TMEM33: variants seen among roughly 807,000 people sequenced by gnomAD.
TMEM33 encodes the protein transmembrane protein 33.
Under a neutral mutation model 29.7 loss-of-function variants are expected in TMEM33, and 16 were observed. The ratio of observed to expected loss-of-function variants is 0.54; its 90% confidence interval spans 0.36 to 0.82. TMEM33 has a LOEUF of 0.82. Ranked by LOEUF, TMEM33 falls within the 40% of genes least tolerant of loss-of-function variation. The pLI, the probability that TMEM33 is intolerant of heterozygous loss-of-function variation, is 0.00. For missense variants in TMEM33, 252 were observed against 295.3 expected (o/e 0.85, Z 1.08); for synonymous variants, 112 against 109.4 (o/e 1.02, Z -0.15).
At position 41,956,008 on chromosome 4, in the gene TMEM33, GTC is replaced by G. The variant is rs1238442578; in HGVS notation, c.*1813_*1814del. The G allele has an allele frequency of 1.3e-5, 2 of 152,102 alleles. No homozygotes were observed. The highest frequency in any genetic ancestry group is 2.9e-5 in the Non-Finnish European group (2 of 68,012). 9.4% of individuals were successfully genotyped at this position (152,102 alleles called of 1,614,324 possible). A position where few individuals can be genotyped will look rare whatever the true frequency, so the allele number is the denominator to read the frequency against. Reference sequence around the variant, plus strand: ...GTTTTTGTTTTTTGAGACAGAGTCTGTCTCTGTCGCCAAGGCTGGAGTGCAGT... The same window carrying G: ...GTTTTTGTTTTTTGAGACAGAGTCTGTCTGTCGCCAAGGCTGGAGTGCAGT... On this transcript the variant is annotated 3_prime_UTR_variant, in exon 7 of 7. Transcript: ENST00000504986.
At position 41,955,864 on chromosome 4, in the gene TMEM33, G is replaced by C. The variant is rs527245265; in HGVS notation, c.*1665G>C. The C allele has an allele frequency of 1.6e-4, 24 of 152,586 alleles. No homozygotes were observed. The highest frequency in any genetic ancestry group is 4.6e-4 in the Admixed American group (7 of 15,282). 9.5% of individuals were successfully genotyped at this position (152,586 alleles called of 1,614,324 possible). On this transcript the variant is annotated 3_prime_UTR_variant, in exon 7 of 7. Transcript: ENST00000504986. ...AAAATGAAGTCTTGAATTATATCAAGAAATTTTGGCAGCTGAAGTCATGTT... is the reference window on the plus strand; with the variant it reads ...AAAATGAAGTCTTGAATTATATCAACAAATTTTGGCAGCTGAAGTCATGTT...
intron 1 of TMEM33, among the ~76,000 whole-genome samples, chr4:41,937,046 G>C (rs1273242473): frequency 2.7e-5 from 4 of 149,558 alleles, no homozygotes; most frequent in African/African-American, 1.0e-4. Context: ...TTCACCCAAA[G>C]ATCTAGTGAT....
rs1256123309 is a variant in TMEM33, at chr4:41,956,935, A to G, written c.*2736A>G. On this transcript the variant is annotated 3_prime_UTR_variant, in exon 7 of 7. Transcript: ENST00000504986. ...AAATTATAGTGTTACATGTATACCT[A>G]TCAAATTAAAATTAAGGAAATACAA... The G allele has an allele frequency of 1.3e-5, 2 of 152,202 alleles. No homozygotes were observed. Among genetic ancestry groups the G allele is most frequent in the African/African-American group, 4.8e-5 (2 of 41,458 alleles). 9.4% of individuals were successfully genotyped at this position (152,202 alleles called of 1,614,324 possible).
intron 1 of TMEM33, among the ~76,000 whole-genome samples, chr4:41,937,901 C>T (rs1216002161): frequency 1.3e-5 from 2 of 151,860 alleles, no homozygotes; most frequent in Admixed American, 6.6e-5. Flanking sequence ...CTAGGACCAC[C>T]GAAACTAGGG....
chr4:41,941,481 T>C (rs1712539805), intron 3 of TMEM33, among the ~76,000 whole-genome samples: 1 of 152,230 alleles, frequency 6.6e-6, no homozygotes, highest in African/African-American at 2.4e-5. Context: ...TCAATAACTT[T>C]GGGAACAGTG....
At position 41,935,548 on chromosome 4, in the gene TMEM33, T is replaced by C. The variant is rs1216682232; in HGVS notation, c.45+19T>C. ...CGCTGTGGTAAGTGCGAGGGCAGGG[T>C]AGTCTGGCTTGATTTGCAAGAGTTA... On this transcript the variant is annotated intron_variant, in intron 1 of 6. Coordinates refer to ENST00000504986, the MANE Select transcript of TMEM33 (RefSeq NM_018126.3). 1 of 1,597,676 alleles carries C rather than the reference T, an allele frequency of 6.3e-7. No homozygotes were observed. The highest frequency in any genetic ancestry group is 8.5e-7 in the Non-Finnish European group (1 of 1,172,178).
chr4:41,949,186 A>C, intron 5 of TMEM33, 116 bp from the exon 6 acceptor site: 1 of 605,090 alleles, frequency 1.7e-6, no homozygotes, highest in South Asian at 2.5e-5. Context: ...AGATTTCACT[A>C]TGACCATTTG....
rs1712932545 is a variant in TMEM33 at position 41,949,300 on chromosome 4, A to G, written c.531-2A>G. The stretch of plus-strand genomic sequence containing the variant: ...TATCACGCTTGTATTTGTTTATTTC[A>G]GTGGTCAAGGAAGTTTGCTCCAACC... On this transcript the variant is annotated splice_acceptor_variant, in intron 5 of 6. Transcript: ENST00000504986. LOFTEE classifies it high-confidence loss of function. 3 of 1,600,308 alleles carry G rather than the reference A, an allele frequency of 1.9e-6. No individual in the cohort carries two copies. The highest frequency in any genetic ancestry group is 2.6e-6 in the Non-Finnish European group (3 of 1,172,310).
intron 3 of TMEM33, chr4:41,939,677 T>G: frequency 2.0e-6 from 1 of 493,906 alleles, no homozygotes; most frequent in Non-Finnish European, 4.0e-6. Context: ...AGAACTTACT[T>G]TAATATTTAC....
chr4:41,940,176 T>A (rs1478499337), intron 3 of TMEM33, among the ~76,000 whole-genome samples: 1 of 148,084 alleles, frequency 6.8e-6, no homozygotes, highest in Non-Finnish European at 1.5e-5. Flanking sequence ...CATTTTTAAA[T>A]AGGGTTCTTT....
chr4:41,950,588 CT>C (rs1712997421), intron 6 of TMEM33, among the ~76,000 whole-genome samples: 1 of 152,088 alleles, frequency 6.6e-6, no homozygotes, highest in African/African-American at 2.4e-5. Context: ...TTTTTATGCT[CT>C]ATTAGACAAT....
intron 6 of TMEM33, among the ~76,000 whole-genome samples, chr4:41,950,921 A>G (rs1053749765): frequency 1.3e-5 from 2 of 152,192 alleles, no homozygotes; most frequent in Non-Finnish European, 2.9e-5. Flanking sequence ...GTGAATCAAG[A>G]TAACACAAAT....
At chr4:41,951,679 G>A (rs989227072) in intron 6 of TMEM33, among the ~76,000 whole-genome samples, 3 of 152,202 alleles carry the variant, frequency 2.0e-5, no homozygotes, top group South Asian at 2.1e-4. Flanking sequence ...ATGTAAGTCA[G>A]TGTGATGATG....
intron 5 of TMEM33, 44 bp downstream of exon 5, chr4:41,944,970 G>GT (rs775836330): frequency 6.3e-7 from 1 of 1,596,892 alleles, no homozygotes; most frequent in South Asian, 1.1e-5. Flanking sequence ...ATGACTGAAC[G>GT]TAATAAAGAT....
chr4:41,949,092 AAAATT>A (rs2153127584), intron 5 of TMEM33, among the ~76,000 whole-genome samples: 1 of 152,274 alleles, frequency 6.6e-6, no homozygotes, highest in South Asian at 2.1e-4. Context: ...CATTTATAAA[AAAATT>A]AAACAACATT....
chr4:41,940,761 T>G (rs983438331), intron 3 of TMEM33, among the ~76,000 whole-genome samples: 40 of 149,292 alleles, frequency 2.7e-4, no homozygotes, highest in African/African-American at 9.0e-4. Context: ...TGAACTGAGA[T>G]TGTGCCACTG....
At chr4:41,948,842 T>G (rs1213912940) in intron 5 of TMEM33, among the ~76,000 whole-genome samples, 2 of 152,082 alleles carry the variant, frequency 1.3e-5, no homozygotes, top group Non-Finnish European at 2.9e-5. Context: ...GTAATTGTGT[T>G]TTTTAACCAA....
At position 41,959,764 on chromosome 4, in the gene TMEM33, G is replaced by A. The variant is rs1446877493; in HGVS notation, c.*5565G>A. 6.6e-6 allele frequency: 1 copy of A among 152,124 alleles called. No individual in the cohort carries two copies. The highest frequency in any genetic ancestry group is 1.9e-4 in the East Asian group (1 of 5,202). The allele number at this position is 152,124 out of a possible 1,614,324, so 9.4% of individuals were successfully genotyped here. A position where few individuals can be genotyped will look rare whatever the true frequency, so the allele number is the denominator to read the frequency against. On this transcript the variant is annotated 3_prime_UTR_variant, in exon 7 of 7. Transcript: ENST00000504986. ...GTGTTGAGCAAGTAACATTTATGATGTGTGTATATTGGAACAAATGTAAAA... is the reference window on the plus strand; with the variant it reads ...GTGTTGAGCAAGTAACATTTATGATATGTGTATATTGGAACAAATGTAAAA...
intron 3 of TMEM33, among the ~76,000 whole-genome samples, chr4:41,941,277 A>T (rs1262649200): frequency 6.6e-6 from 1 of 152,198 alleles, no homozygotes; most frequent in Non-Finnish European, 1.5e-5. Context: ...TTTGTTTGGC[A>T]TATTATTGGC....
Sources: gnomAD v4.1 joint callset for allele counts (sites outside exome capture counted in the v4.1 genomes callset) on GRCh38, gnomAD v4.1.1 for gene constraint, MANE v1.5 for transcripts, NCBI Gene and HGNC (gene_info 2026-07-23, HGNC 2026-07-21) for gene names.